The following DOCK3 variants were observed in gnomAD, a reference collection of about 807,000 sequenced individuals.
DOCK3 encodes the protein dedicator of cytokinesis 3, also known as dedicator of cytokinesis protein 3.
A neutral mutation model predicts 265.6 loss-of-function variants in DOCK3; 60 were observed. That is an observed-to-expected ratio of 0.23 (90% CI 0.18 to 0.28). The LOEUF is 0.28. DOCK3 is among the 10% of genes least tolerant of loss of function. The pLI is 1.00. For missense variants in DOCK3, 1,981 were observed against 2,594.3 expected (o/e 0.76, Z 5.14); for synonymous variants, 881 against 938.0 (o/e 0.94, Z 1.11).
chr3:51,341,227 G>A lies in DOCK3; in HGVS notation c.3767-10G>A, dbSNP rs775942459. ...AAGCCCCTGGACCTCCATGCTGTCT[G>A]TCCCCACAGAGGCCGCATTTACCCT... On this transcript the variant is annotated splice_polypyrimidine_tract_variant and intron_variant, in intron 37 of 52. Coordinates refer to ENST00000266037, the MANE Select transcript of DOCK3 (RefSeq NM_004947.5). 9 of 1,563,820 alleles carry A rather than the reference G, an allele frequency of 5.8e-6. No homozygotes were observed. The highest frequency in any genetic ancestry group is 7.8e-6 in the Non-Finnish European group (9 of 1,154,070).
At chr3:50,872,062 A>G (rs2047457931) in intron 3 of DOCK3, among the ~76,000 whole-genome samples, 2 of 152,246 alleles carry the variant, frequency 1.3e-5, no homozygotes, top group South Asian at 4.1e-4. Flanking sequence ...TTATTTGGTA[A>G]GGCCATATTT....
chr3:50,958,895 G>C (rs1440334525), intron 5 of DOCK3, among the ~76,000 whole-genome samples: 1 of 152,160 alleles, frequency 6.6e-6, no homozygotes, highest in African/African-American at 2.4e-5. Flanking sequence ...GCATTGGGAA[G>C]CATTTTTTGC....
chr3:50,799,536 C>CAA lies in DOCK3; in HGVS notation c.121+20778_121+20779insAA, dbSNP rs1279220167. 4.6e-4 allele frequency among the ~76,000 whole-genome samples: 70 copies of CAA among 152,030 alleles called. 1 individual carries two copies. The highest frequency in any genetic ancestry group is 1.4e-3 in the African/African-American group (60 of 41,472). On this transcript the variant is annotated intron_variant, in intron 2 of 52. Coordinates refer to ENST00000266037, the MANE Select transcript of DOCK3 (RefSeq NM_004947.5). ...CCATTGTTCCTGTATAGAAGTGATA[C>CAA]TGATTTTTGTTCATTAATTTTATAT...
rs2079773171 is a variant in DOCK3 at position 51,260,097 on chromosome 3, A to G, written c.2185-59A>G. The G allele has an allele frequency of 1.0e-5, 16 of 1,542,942 alleles. No individual in the cohort carries two copies. The South Asian group carries it at 1.1e-4, about 11-fold the overall frequency. On this transcript the variant is annotated intron_variant, in intron 22 of 52. Transcript: ENST00000266037. ...GTTACTTTGCCCCTTGTTTCCTGCT[A>G]TGTGAGTTCCTGAGCATCTTCAACA... is the stretch of plus-strand genomic sequence containing the variant.
At chr3:51,237,739 A>G (rs1446595286) in intron 21 of DOCK3, 149 bp downstream of exon 21, 3 of 703,734 alleles carry the variant, frequency 4.3e-6, no homozygotes, top group Non-Finnish European at 4.7e-6. Flanking sequence ...ACATAACACA[A>G]AATTGACCAT....
intron 22 of DOCK3, among the ~76,000 whole-genome samples, chr3:51,256,579 G>C (rs1330907324): frequency 6.7e-6 from 1 of 149,026 alleles, no homozygotes; most frequent in African/African-American, 2.5e-5. Flanking sequence ...CGAAGAGCTT[G>C]AGTTTTCGTT....
At chr3:51,110,020 G>A (rs1328810146) in intron 9 of DOCK3, among the ~76,000 whole-genome samples, 1 of 151,948 alleles carries the variant, frequency 6.6e-6, no homozygotes, top group African/African-American at 2.4e-5. Flanking sequence ...CAACCAGAGA[G>A]TATTTTGAAC....
intron 9 of DOCK3, among the ~76,000 whole-genome samples, chr3:51,102,452 C>T (rs2083123351): frequency 6.6e-6 from 1 of 152,122 alleles, no homozygotes; most frequent in Non-Finnish European, 1.5e-5. Flanking sequence ...AAAACAAAGT[C>T]TGGATCAGTA....
chr3:50,963,792 G>T (rs1173285175), intron 5 of DOCK3, among the ~76,000 whole-genome samples: 5 of 152,286 alleles, frequency 3.3e-5, no homozygotes, highest in African/African-American at 1.2e-4. Flanking sequence ...TGGAATTCAA[G>T]GGAAATCCAG....
intron 12 of DOCK3, among the ~76,000 whole-genome samples, chr3:51,206,933 TG>T (rs2089247424): frequency 1.3e-5 from 2 of 152,206 alleles, no homozygotes; most frequent in Admixed American, 1.3e-4. Context: ...AGTGAACTAC[TG>T]AGTTCCTCTC....
At chr3:51,306,556 C>T (rs1388705265) in intron 27 of DOCK3, among the ~76,000 whole-genome samples, 1 of 152,032 alleles carries the variant, frequency 6.6e-6, no homozygotes, top group Non-Finnish European at 1.5e-5. Flanking sequence ...TTAATGATGC[C>T]CCACAGGTAT....
At chr3:51,170,671 G>A (rs940608450) in intron 12 of DOCK3, among the ~76,000 whole-genome samples, 8 of 151,982 alleles carry the variant, frequency 5.3e-5, no homozygotes, top group East Asian at 1.9e-4. Flanking sequence ...TCAGCCGGGC[G>A]CGGTGGCTCA....
intron 5 of DOCK3, among the ~76,000 whole-genome samples, chr3:51,015,650 G>A (rs958922312): frequency 6.3e-5 from 9 of 142,544 alleles, no homozygotes; most frequent in African/African-American, 2.1e-4. Context: ...GAATGAGTTT[G>A]GAAGTATTTT....
At chr3:51,138,295 A>AC (rs1430520093) in intron 9 of DOCK3, among the ~76,000 whole-genome samples, 1 of 152,218 alleles carries the variant, frequency 6.6e-6, no homozygotes, top group Non-Finnish European at 1.5e-5. Context: ...TATTTATCAT[A>AC]CCCATTGTAG....
At chr3:51,108,210 G>C (rs2083369935) in intron 9 of DOCK3, among the ~76,000 whole-genome samples, 1 of 151,998 alleles carries the variant, frequency 6.6e-6, no homozygotes, top group Non-Finnish European at 1.5e-5. Context: ...GTTTCTAGTA[G>C]AGACAGGGTT....
chr3:51,069,658 C>T (rs2081769262), intron 6 of DOCK3, among the ~76,000 whole-genome samples: 1 of 151,592 alleles, frequency 6.6e-6, no homozygotes, highest in Admixed American at 6.6e-5. Flanking sequence ...TTTTCTTCCT[C>T]CTCCCCTTTT....
At chr3:50,784,062 T>G (rs1169169931) in intron 2 of DOCK3, among the ~76,000 whole-genome samples, 2 of 152,136 alleles carry the variant, frequency 1.3e-5, no homozygotes, top group Non-Finnish European at 2.9e-5. Flanking sequence ...GAGGTGGGGT[T>G]TCACCACGTT....
rs147330109 is a variant in DOCK3, at chr3:51,139,544, T to G, written c.747-7005T>G. 5.6e-3 allele frequency among the ~76,000 whole-genome samples: 847 copies of G among 152,296 alleles called. 4 individuals are homozygous for G. The highest frequency in any genetic ancestry group is 8.1e-3 in the Non-Finnish European group (549 of 68,028). On this transcript the variant is annotated intron_variant, in intron 9 of 52. Transcript: ENST00000266037. ...TCAGGAAATGTCCACCTTTTTTCAT[T>G]CAATATTTATTGAGCACCTATTATA...
chr3:50,940,298 A>G (rs2076254059), intron 5 of DOCK3, among the ~76,000 whole-genome samples: 1 of 151,806 alleles, frequency 6.6e-6, no homozygotes, highest in Admixed American at 6.6e-5. Flanking sequence ...CCAAAAAAAA[A>G]AAAAAAAAAG....
Sources: gnomAD v4.1 joint callset for allele counts (sites outside exome capture counted in the v4.1 genomes callset) on GRCh38, gnomAD v4.1.1 for gene constraint, MANE v1.5 for transcripts, NCBI Gene and HGNC (gene_info 2026-07-23, HGNC 2026-07-21) for gene names.